The following ARFGEF3 variants were observed in gnomAD, a reference collection of about 807,000 sequenced individuals.
ARFGEF3 encodes brefeldin A-inhibited guanine nucleotide-exchange protein 3.
ARFGEF3 carries 96 observed loss-of-function variants against 221.7 expected under a neutral mutation model. That is an observed-to-expected ratio of 0.43 (90% CI 0.37 to 0.51). ARFGEF3 has a LOEUF of 0.51. ARFGEF3 is among the 20% of genes least tolerant of loss of function. ARFGEF3 has a pLI of 0.00. For synonymous variants in ARFGEF3, 1,145 were observed against 1,126.8 expected, an observed-to-expected ratio of 1.02 and a Z score of -0.32; for missense variants, 2,410 against 2,789.9, an observed-to-expected ratio of 0.86 and a Z score of 3.07.
At chr6:138,237,380 T>C (rs1480013472) in intron 5 of ARFGEF3, among the ~76,000 whole-genome samples, 1 of 152,226 alleles carries the variant, frequency 6.6e-6, no homozygotes, top group Non-Finnish European at 1.5e-5. Flanking sequence ...TAAAATTGAA[T>C]GCCTTATGGA....
At chr6:138,207,905 A>G (rs1209837618) in intron 3 of ARFGEF3, among the ~76,000 whole-genome samples, 3 of 152,228 alleles carry the variant, frequency 2.0e-5, no homozygotes, top group Non-Finnish European at 4.4e-5. Flanking sequence ...TTAAGAGATA[A>G]AACCTATGAA....
chr6:138,277,114 T>A (rs1222902095), intron 12 of ARFGEF3, among the ~76,000 whole-genome samples: 1 of 152,230 alleles, frequency 6.6e-6, no homozygotes, highest in Admixed American at 6.5e-5. Flanking sequence ...CAGAACTTTT[T>A]TAACATTCCA....
At chr6:138,167,927 C>G (rs1776753023) in intron 1 of ARFGEF3, among the ~76,000 whole-genome samples, 1 of 152,216 alleles carries the variant, frequency 6.6e-6, no homozygotes, top group African/African-American at 2.4e-5. Flanking sequence ...CAGCCTTGTG[C>G]TATGCCACCC....
At chr6:138,190,260 T>C (rs555900893) in intron 2 of ARFGEF3, among the ~76,000 whole-genome samples, 2 of 151,972 alleles carry the variant, frequency 1.3e-5, no homozygotes, top group Admixed American at 6.6e-5. Flanking sequence ...AAACCACCCA[T>C]ATGTAACCAG....
chr6:138,207,177 C>T, intron 3 of ARFGEF3, 54 bp downstream of exon 3: 2 of 1,387,070 alleles, frequency 1.4e-6, no homozygotes, highest in South Asian at 2.4e-5. Context: ...GCCACTTTGG[C>T]ATTGAAAGGG....
chr6:138,286,105 C>T, intron 15 of ARFGEF3, 52 bp downstream of exon 15: 2 of 1,028,470 alleles, frequency 1.9e-6, no homozygotes, highest in South Asian at 2.6e-5. Context: ...CATGTGTTAC[C>T]AGCAATTACA....
At chr6:138,216,300 A>G (rs1562356660) in intron 4 of ARFGEF3, 1 of 152,218 alleles carries the variant, frequency 6.6e-6, no homozygotes, top group Non-Finnish European at 1.5e-5. Flanking sequence ...ACAAACGCCT[A>G]GTAAACATCT....
Position 138,291,652 on chromosome 6 carries a change from C to A in ARFGEF3, c.3048-81C>A. 9.5e-7 allele frequency: 1 copy of A among 1,048,012 alleles called. No homozygotes were observed. The highest frequency in any genetic ancestry group is 1.3e-6 in the Non-Finnish European group (1 of 798,172). The allele number at this position is 1,048,012 out of a possible 1,614,324, so 64.9% of individuals were successfully genotyped here. On this transcript the variant is annotated intron_variant, in intron 18 of 33. Transcript: ENST00000251691. This position sits in a 1 kb window ranked among gnomAD's most constrained non-coding sequence, Gnocchi z 4.5. The stretch of plus-strand genomic sequence containing the variant: ...GAGCTTGCAGAGCTGGCTGCATTTC[C>A]TTTGTCTGGCACTGTGGGGTTTATG...
intron 3 of ARFGEF3, 43 bp from the exon 4 acceptor site, chr6:138,209,867 G>A: frequency 6.2e-7 from 1 of 1,606,874 alleles, no homozygotes; most frequent in Non-Finnish European, 8.5e-7. Flanking sequence ...TAAGGCAGCA[G>A]GGGAGAGCCT....
In ARFGEF3 at chr6:138,316,446, A is replaced by G. The variant is rs182095765; in HGVS notation, c.4346-805A>G. Among the ~76,000 whole-genome samples, 237 of 152,356 alleles carry G rather than the reference A, an allele frequency of 1.6e-3. 8 individuals carry two copies. The East Asian group carries it at 0.038, about 25-fold the overall frequency. On this transcript the variant is annotated intron_variant, in intron 26 of 33. Transcript: ENST00000251691. ...ATACAAAATATATACATATACAGATATACATATGTAGAATATACAGAACTA... is the reference window on the plus strand; with the variant it reads ...ATACAAAATATATACATATACAGATGTACATATGTAGAATATACAGAACTA...
In ARFGEF3 at chr6:138,255,592, C is replaced by T; in HGVS notation, c.927C>T (p.Cys309=). 1 of 1,614,008 alleles carries T rather than the reference C, an allele frequency of 6.2e-7. No individual in the cohort carries two copies. The highest frequency in any genetic ancestry group is 8.5e-7 in the Non-Finnish European group (1 of 1,179,888). ...ACGGCCGAGGATCAGGCTGCTCCTGCACTGCGCCGGCCCTGAGCGGACCTG... is the reference window on the plus strand; with the variant it reads ...ACGGCCGAGGATCAGGCTGCTCCTGTACTGCGCCGGCCCTGAGCGGACCTG... The part of the protein sequence containing the change: ...SDHGRGSGCS[C]TAPALSGPVA... Residue 309 remains cysteine, a synonymous_variant, in exon 10 of 34, where the codon TGC becomes TGT. Transcript: ENST00000251691.
intron 6 of ARFGEF3, among the ~76,000 whole-genome samples, chr6:138,242,677 T>A (rs1778414390): frequency 6.6e-6 from 1 of 152,204 alleles, no homozygotes; most frequent in Non-Finnish European, 1.5e-5. Context: ...GGGTTTAAAC[T>A]TCCAGGAAGT....
At chr6:138,217,231 A>G (rs1777884934) in intron 4 of ARFGEF3, 1 of 152,230 alleles carries the variant, frequency 6.6e-6, no homozygotes, top group South Asian at 2.1e-4. Flanking sequence ...AACTTTTCTC[A>G]CATAATCTTA....
intron 2 of ARFGEF3, among the ~76,000 whole-genome samples, chr6:138,196,434 T>C (rs1263503515): frequency 6.6e-6 from 1 of 152,208 alleles, no homozygotes; most frequent in Non-Finnish European, 1.5e-5. Context: ...AGTGTTTGTG[T>C]AACTAAACAT....
chr6:138,315,512 G>C (rs2114671918), intron 26 of ARFGEF3, among the ~76,000 whole-genome samples: 1 of 152,246 alleles, frequency 6.6e-6, no homozygotes, highest in East Asian at 1.9e-4. Context: ...TTGTGGGGGT[G>C]GCTAGGAGAT....
At chr6:138,317,469 AC>A in intron 27 of ARFGEF3, 90 bp downstream of exon 27, 1 of 1,495,984 alleles carries the variant, frequency 6.7e-7, no homozygotes, top group East Asian at 2.3e-5. Flanking sequence ...GCCTGTTTTC[AC>A]TGTTTCCTAG....
chr6:138,178,972 G>A (rs910616326), intron 2 of ARFGEF3, among the ~76,000 whole-genome samples: 14 of 152,186 alleles, frequency 9.2e-5, no homozygotes, highest in Admixed American at 7.2e-4. Context: ...GTGGGGGATG[G>A]TGGTGGTAGT....
intron 14 of ARFGEF3, among the ~76,000 whole-genome samples, chr6:138,284,078 G>C (rs1779242492): frequency 6.6e-6 from 1 of 152,206 alleles, no homozygotes; most frequent in Admixed American, 6.5e-5. Flanking sequence ...GCAGAGGCGG[G>C]AGGATCACTT....
rs562487532 is a variant in ARFGEF3, at chr6:138,180,599, A to C, written c.137+9886A>C. Reference sequence around the variant, plus strand: ...GTTTTGCTGGTTACCATAAAAAAAAAGGCGGGCAGGTTGGGGGAGCTTTAA... The same window carrying C: ...GTTTTGCTGGTTACCATAAAAAAAACGGCGGGCAGGTTGGGGGAGCTTTAA... On this transcript the variant is annotated intron_variant, in intron 2 of 33. Transcript: ENST00000251691. 5.3e-5 allele frequency among the ~76,000 whole-genome samples: 8 copies of C among 152,282 alleles called. No homozygotes were observed. The South Asian group carries it at 1.0e-3, about 20-fold the overall frequency.
Sources: gnomAD v4.1 joint callset for allele counts (sites outside exome capture counted in the v4.1 genomes callset) on GRCh38, gnomAD v4.1.1 for gene constraint, Gnocchi (gnomAD v3.1) non-coding constraint, MANE v1.5 for transcripts, NCBI Gene and HGNC (gene_info 2026-07-23, HGNC 2026-07-21) for gene names.